Variants in LAMB4 observed in about 807,000 individuals in gnomAD.
The protein encoded by LAMB4 is laminin subunit beta-4.
LAMB4 carries 196 observed loss-of-function variants against 199.2 expected under a neutral mutation model. That is an observed-to-expected ratio of 0.98 (90% CI 0.88 to 1.11). LAMB4 has a LOEUF of 1.11. Ranked by LOEUF, LAMB4 falls within the 50% of genes least tolerant of loss-of-function variation. The pLI, the probability that LAMB4 is intolerant of heterozygous loss-of-function variation, is 0.00. For missense variants in LAMB4, 2,080 were observed against 2,171.2 expected, an observed-to-expected ratio of 0.96 and a Z score of 0.83; for synonymous variants, 744 against 770.6, an observed-to-expected ratio of 0.97 and a Z score of 0.57.
At chr7:108,070,422 C>G (rs1166660898) in intron 17 of LAMB4, among the ~76,000 whole-genome samples, 1 of 152,198 alleles carries the variant, frequency 6.6e-6, no homozygotes, top group African/African-American at 2.4e-5. Flanking sequence ...TTGAACAACA[C>G]AGGTTTGAAC....
intron 14 of LAMB4, among the ~76,000 whole-genome samples, chr7:108,084,758 C>A (rs949842335): frequency 1.5e-4 from 22 of 146,938 alleles, no homozygotes; most frequent in African/African-American, 5.5e-4. Flanking sequence ...AAAGGCATTC[C>A]AAGAAACATA....
chr7:108,105,470 A>G (rs947203907), intron 8 of LAMB4, among the ~76,000 whole-genome samples: 4 of 152,206 alleles, frequency 2.6e-5, no homozygotes, highest in Non-Finnish European at 5.9e-5. Context: ...AGTGTTGGCA[A>G]AAACAGCACT....
chr7:108,065,674 A>G, intron 21 of LAMB4, 88 bp downstream of exon 21: 1 of 1,121,100 alleles, frequency 8.9e-7, no homozygotes, highest in Non-Finnish European at 1.3e-6. Context: ...CATTTGTCCA[A>G]GACAGATAAG....
chr7:108,026,924 GAA>G, intron 33 of LAMB4: 3 of 517,502 alleles, frequency 5.8e-6, no homozygotes, highest in Non-Finnish European at 1.2e-5. Context: ...GCCTCAAAAG[GAA>G]AAGAGAAAAG....
Position 108,053,461 on chromosome 7 carries a change from C to T in LAMB4, c.3756-1204G>A, listed in dbSNP as rs562147533. Among the ~76,000 whole-genome samples the T allele has an allele frequency of 3.9e-5, 6 of 152,152 alleles. 1 individual carries two copies. The South Asian group carries it at 1.0e-3, about 26-fold the overall frequency. On this transcript the variant is annotated intron_variant, in intron 25 of 33. Coordinates refer to ENST00000388781, the MANE Select transcript of LAMB4 (RefSeq NM_007356.3). The stretch of plus-strand genomic sequence containing the variant: ...AGGCCCTGTCCAGGGTGCCCCACAG[C>T]GAGGCAATGGCAAAGGAGCATAAAG...
Position 108,108,594 on chromosome 7 carries a change from A to G in LAMB4, c.402+577T>C, listed in dbSNP as rs1390544577. Among the ~76,000 whole-genome samples the G allele has an allele frequency of 2.0e-5, 3 of 152,042 alleles. No homozygotes were observed. In the East Asian group the frequency reaches 5.8e-4, roughly 29 times the overall value. On this transcript the variant is annotated intron_variant, in intron 5 of 33. Coordinates refer to ENST00000388781, the MANE Select transcript of LAMB4 (RefSeq NM_007356.3). ...TTATCACTTTGTATTATAATTTTCTATTATATTTATATGTTTGTATCCATG... is the reference window on the plus strand; with the variant it reads ...TTATCACTTTGTATTATAATTTTCTGTTATATTTATATGTTTGTATCCATG...
chr7:108,073,680 T>A (rs1311502348), intron 17 of LAMB4, among the ~76,000 whole-genome samples: 4 of 152,210 alleles, frequency 2.6e-5, no homozygotes, highest in African/African-American at 4.8e-5. Context: ...CAGTCAAGTG[T>A]CTTATCTTCC....
chr7:108,075,644 T>C (rs1213710470), intron 17 of LAMB4: 1 of 152,238 alleles, frequency 6.6e-6, no homozygotes, highest in African/African-American at 2.4e-5. Context: ...GGTACCTTCA[T>C]ACTGTACTAA....
chr7:108,077,356 C>T (rs1047425362), intron 16 of LAMB4, among the ~76,000 whole-genome samples: 9 of 152,006 alleles, frequency 5.9e-5, no homozygotes, highest in African/African-American at 1.9e-4. Flanking sequence ...GTCCTCATCC[C>T]GTCTCTCATG....
intron 24 of LAMB4, 29 bp from the exon 25 acceptor site, chr7:108,056,036 A>G (rs751165765): frequency 6.4e-7 from 1 of 1,573,406 alleles, no homozygotes; most frequent in Non-Finnish European, 8.6e-7. Context: ...GGAGCAGAGA[A>G]TGTCACTGGG....
intron 17 of LAMB4, among the ~76,000 whole-genome samples, chr7:108,073,533 C>G (rs1265342168): frequency 6.6e-6 from 1 of 152,206 alleles, no homozygotes; most frequent in East Asian, 1.9e-4. Context: ...GCTTGCCAAA[C>G]AAGGCATTTG....
chr7:108,037,379 A>G lies in LAMB4; in HGVS notation c.4679+9T>C, dbSNP rs753141515. ...TAGAGCAAGATAAGAATATTAATAC[A>G]GTACTTACTCAGCTGCTTTGGCCTT... On this transcript the variant is annotated intron_variant, in intron 30 of 33. Transcript: ENST00000388781. 6.2e-7 allele frequency: 1 copy of G among 1,600,728 alleles called. No individual in the cohort carries two copies. Among genetic ancestry groups the G allele is most frequent in the Non-Finnish European group, 8.6e-7 (1 of 1,168,164 alleles).
chr7:108,126,726 G>A (rs528094116), intron 1 of LAMB4, among the ~76,000 whole-genome samples: 51 of 148,388 alleles, frequency 3.4e-4, no homozygotes, highest in Admixed American at 2.9e-3. Flanking sequence ...CACCGCGCCC[G>A]ACTAATTTTT....
chr7:108,040,449 C>T (rs1004624116), intron 29 of LAMB4, among the ~76,000 whole-genome samples: 3 of 152,240 alleles, frequency 2.0e-5, no homozygotes, highest in African/African-American at 7.2e-5. Context: ...CCCGACTAGC[C>T]AAGGCAATCC....
intron 21 of LAMB4, among the ~76,000 whole-genome samples, chr7:108,064,349 C>G (rs766710058): frequency 9.9e-5 from 15 of 152,156 alleles, no homozygotes; most frequent in Admixed American, 3.3e-4. Flanking sequence ...GGGCAACCCA[C>G]TCTCAGTTGA....
intron 14 of LAMB4, among the ~76,000 whole-genome samples, chr7:108,087,045 T>C (rs1442540493): frequency 6.6e-6 from 1 of 152,096 alleles, no homozygotes; most frequent in Non-Finnish European, 1.5e-5. Flanking sequence ...CGTGGGGCTG[T>C]AGCATAGGAA....
In LAMB4 at chr7:108,123,097, A is replaced by G. The variant is rs566612239; in HGVS notation, c.34+34T>C. 148 of 1,584,088 alleles carry G rather than the reference A, an allele frequency of 9.3e-5. 1 individual carries two copies. In the South Asian group the frequency reaches 1.1e-3, roughly 12 times the overall value. ...TCCATTAAATATTTTAGGACAGCGC[A>G]AGCAGTAAATAGATTTTGACAACAA... On this transcript the variant is annotated intron_variant, in intron 2 of 33. Transcript: ENST00000388781.
At chr7:108,055,330 G>A (rs2035945599) in intron 25 of LAMB4, among the ~76,000 whole-genome samples, 1 of 152,058 alleles carries the variant, frequency 6.6e-6, no homozygotes, top group Non-Finnish European at 1.5e-5. Flanking sequence ...GGGATTACAG[G>A]TACCTGCCAC....
intron 2 of LAMB4, among the ~76,000 whole-genome samples, chr7:108,118,567 C>T (rs2038490247): frequency 6.6e-6 from 1 of 151,754 alleles, no homozygotes; most frequent in Admixed American, 6.6e-5. Context: ...GCAATTGGAT[C>T]CATAGCCAAA....
Sources: gnomAD v4.1 joint callset for allele counts (sites outside exome capture counted in the v4.1 genomes callset) on GRCh38, gnomAD v4.1.1 for gene constraint, MANE v1.5 for transcripts, NCBI Gene and HGNC (gene_info 2026-07-23, HGNC 2026-07-21) for gene names.